ORC1: variants seen among roughly 807,000 people sequenced by gnomAD.
ORC1 encodes the protein origin recognition complex, subunit 1 homolog.
A neutral mutation model predicts 98.9 loss-of-function variants in ORC1; 61 were observed. That is an observed-to-expected ratio of 0.62 (90% CI 0.50 to 0.76). ORC1 has a LOEUF of 0.76. ORC1 is among the 30% of genes least tolerant of loss of function. The pLI, the probability that ORC1 is intolerant of heterozygous loss-of-function variation, is 0.00. For missense variants in ORC1, 979 were observed against 1,072.2 expected (o/e 0.91, Z 1.21); for synonymous variants, 385 against 406.9 (o/e 0.95, Z 0.65).
chr1:52,384,578 G>C lies in ORC1; in HGVS notation c.1727C>G (p.Pro576Arg), dbSNP rs764186249. 2 of 1,614,152 alleles carry C rather than the reference G, an allele frequency of 1.2e-6. No homozygotes were observed. Among genetic ancestry groups the C allele is most frequent in the Non-Finnish European group, 1.7e-6 (2 of 1,180,028 alleles). ...CAAGATTTGCACATAGACTTGGTGG[G>C]GCTCCGTCAGCTTCATGCCATTGAC... Reference protein sequence around the residue: ...IEVNGMKLTEPHQVYVQILQK... With the variant: ...IEVNGMKLTERHQVYVQILQK... Residue 576 changes from proline to arginine, a missense_variant, in exon 11 of 17, where the codon CCC (proline) becomes CGC (arginine). Transcript: ENST00000371568.
rs973672950 is a variant in ORC1 at position 52,386,003 on chromosome 1, G to A, written c.1384-54C>T. 8.0e-6 allele frequency: 10 copies of A among 1,245,902 alleles called. No homozygotes were observed. The African/African-American group carries it at 1.0e-4, about 13-fold the overall frequency. 77.2% of individuals were successfully genotyped at this position (1,245,902 alleles called of 1,614,324 possible). A position where few individuals can be genotyped will look rare whatever the true frequency, so the allele number is the denominator to read the frequency against. On this transcript the variant is annotated intron_variant, in intron 8 of 16. Transcript: ENST00000371568. ...CAAGGAAAAAGCAAAACACCATCCA[G>A]GACACACCAGCAAATGTGATTTGTG...
intron 14 of ORC1, among the ~76,000 whole-genome samples, chr1:52,377,382 C>T (rs910027473): frequency 2.0e-5 from 3 of 152,200 alleles, no homozygotes; most frequent in African/African-American, 7.2e-5. Flanking sequence ...TCAAGCAATC[C>T]TCCCACCTCA....
chr1:52,404,959 T>C, upstream of ORC1: 2 of 1,540,674 alleles, frequency 1.3e-6, no homozygotes, highest in Non-Finnish European at 1.8e-6. Context: ...GACTAGCGAC[T>C]GGCCTCTGGG....
intron 13 of ORC1, 48 bp from the exon 14 acceptor site, chr1:52,381,809 A>G: frequency 6.2e-7 from 1 of 1,607,050 alleles, no homozygotes. Context: ...CTGCCCAGTG[A>G]TTATCCAGGT....
intron 5 of ORC1, among the ~76,000 whole-genome samples, chr1:52,395,151 A>G (rs1185716095): frequency 1.3e-5 from 2 of 152,206 alleles, no homozygotes; most frequent in Non-Finnish European, 2.9e-5. Flanking sequence ...GATGAGGATG[A>G]GCTCTCAGAA....
upstream of ORC1, chr1:52,405,017 G>A: frequency 3.2e-6 from 3 of 941,700 alleles, no homozygotes; most frequent in Non-Finnish European, 4.9e-6. Context: ...AATTTTGAGT[G>A]CCTGCTAAGT....
chr1:52,376,357 A>G (rs1338275579), intron 14 of ORC1, among the ~76,000 whole-genome samples: 1 of 152,170 alleles, frequency 6.6e-6, no homozygotes, highest in Non-Finnish European at 1.5e-5. Context: ...TCTACTAAAA[A>G]TACAAAAATC....
intron 1 of ORC1, among the ~76,000 whole-genome samples, chr1:52,403,473 A>G (rs552145944): frequency 6.6e-6 from 1 of 152,228 alleles, no homozygotes; most frequent in Non-Finnish European, 1.5e-5. Context: ...ACTGTTGCAA[A>G]GGGACTTAAA....
chr1:52,402,369 T>A, intron 1 of ORC1, 141 bp from the exon 2 acceptor site: 1 of 708,942 alleles, frequency 1.4e-6, no homozygotes, highest in Non-Finnish European at 2.5e-6. Flanking sequence ...CATTTTAGAC[T>A]AAGAAAACAT....
chr1:52,376,976 C>T (rs1647003181), intron 14 of ORC1, among the ~76,000 whole-genome samples: 1 of 152,112 alleles, frequency 6.6e-6, no homozygotes, highest in Non-Finnish European at 1.5e-5. Flanking sequence ...GCCTACTTGA[C>T]CTTGGTGCTA....
chr1:52,397,380 A>G (rs1223182871), intron 4 of ORC1, among the ~76,000 whole-genome samples: 1 of 152,200 alleles, frequency 6.6e-6, no homozygotes, highest in Non-Finnish European at 1.5e-5. Flanking sequence ...ATTCAGCCTC[A>G]CAATGCTTTA....
chr1:52,381,783 G>GTTA (rs1231167149), intron 13 of ORC1, 22 bp from the exon 14 acceptor site: 27 of 1,611,002 alleles, frequency 1.7e-5, no homozygotes, highest in Non-Finnish European at 2.3e-5. Flanking sequence ...AAATGACAGA[G>GTTA]GAATAAGTTG....
chr1:52,408,791 T>C (rs2147955491), upstream of ORC1: 1 of 1,372,714 alleles, frequency 7.3e-7, no homozygotes, highest in Non-Finnish European at 1.0e-6. Flanking sequence ...GAATGCTCCT[T>C]TTCATCTACA....
At position 52,375,737 on chromosome 1, in the gene ORC1, G is replaced by C. The variant is rs540308919; in HGVS notation, c.2134-138C>G. ...GGGAACCTGGAGGAAGAATAGAAAT[G>C]AATTATTACATTGTGCATGGGACTC... On this transcript the variant is annotated intron_variant, in intron 14 of 16. Coordinates refer to ENST00000371568, the MANE Select transcript of ORC1 (RefSeq NM_004153.4). 8.8e-5 allele frequency: 69 copies of C among 781,218 alleles called. No individual in the cohort carries two copies. The African/African-American group carries it at 1.0e-3, about 12-fold the overall frequency. 48.4% of individuals were successfully genotyped at this position (781,218 alleles called of 1,614,324 possible).
At chr1:52,405,795 C>G, upstream of ORC1, 1 of 1,613,952 alleles carries the variant, frequency 6.2e-7, no homozygotes, top group Non-Finnish European at 8.5e-7. Context: ...AAATTCAACC[C>G]GAGAAGGATA....
chr1:52,387,973 C>A (rs1423693899), intron 8 of ORC1, among the ~76,000 whole-genome samples: 1 of 152,216 alleles, frequency 6.6e-6, no homozygotes, highest in Non-Finnish European at 1.5e-5. Context: ...TAAAGTTCCA[C>A]AGGAAGCAGA....
intron 7 of ORC1, among the ~76,000 whole-genome samples, chr1:52,389,004 G>C (rs1647178272): frequency 6.6e-6 from 1 of 152,076 alleles, no homozygotes; most frequent in African/African-American, 2.4e-5. Context: ...TGGACATGAT[G>C]ATTAGGGATG....
intron 5 of ORC1, among the ~76,000 whole-genome samples, chr1:52,395,307 T>A (rs1343342871): frequency 6.6e-6 from 1 of 152,168 alleles, no homozygotes; most frequent in East Asian, 1.9e-4. Context: ...TGTATATGTA[T>A]CTGCTGATTT....
chr1:52,396,116 G>A lies in ORC1; in HGVS notation c.651C>T (p.Ser217=), dbSNP rs1243238370. The A allele has an allele frequency of 7.4e-6, 12 of 1,614,036 alleles. No homozygotes were observed. Among genetic ancestry groups the A allele is most frequent in the South Asian group, 2.2e-5 (2 of 91,094 alleles). The stretch of plus-strand genomic sequence containing the variant: ...TAGGAGTTTGGCGAGATTTGGAGGC[G>A]GAGTGCCTTGATTCAATCCTTTTGG... ...HVAKRIESRH[S]ASKSRQTPTH... is the part of the protein sequence containing the mutation. Residue 217 remains serine, a synonymous_variant, in exon 5 of 17, where the codon TCC becomes TCT. Coordinates refer to ENST00000371568, the MANE Select transcript of ORC1 (RefSeq NM_004153.4).
Sources: allele counts gnomAD v4.1 joint callset (sites outside exome capture counted in the v4.1 genomes callset), GRCh38; gene constraint gnomAD v4.1.1; transcripts MANE v1.5; gene names NCBI Gene and HGNC (gene_info 2026-07-23, HGNC 2026-07-21).